The following CERS1 variants were observed in gnomAD, a reference collection of about 807,000 sequenced individuals.
CERS1 encodes Embryonic growth/differentiation factor 1.
In CERS1, 16 loss-of-function variants were observed where a neutral mutation model predicts 35.7. The ratio of observed to expected loss-of-function variants is 0.45; its 90% CI spans 0.30 to 0.68. The LOEUF is 0.68. Among genes scored for constraint, CERS1 ranks in the 30% least tolerant of loss-of-function variants. The probability of loss-of-function intolerance (pLI) is 0.08; values close to 1 mark genes in which losing one functional copy is unlikely to be tolerated. For missense variants in CERS1, 454 were observed against 453.9 expected, an observed-to-expected ratio of 1.00 and a Z score of 0.00; for synonymous variants, 243 against 201.6, an observed-to-expected ratio of 1.21 and a Z score of -1.74.
chr19:18,877,872 C>T (rs1216710729), intron 6 of CERS1: 2 of 719,440 alleles, frequency 2.8e-6, no homozygotes, highest in East Asian at 1.3e-4. Context: ...CCCTCTGCCC[C>T]AATCCCATCT....
intron 2 of CERS1, among the ~76,000 whole-genome samples, chr19:18,888,889 C>CTTTTTTTTT (rs756124590): frequency 7.3e-5 from 9 of 122,918 alleles, no homozygotes; most frequent in Non-Finnish European, 8.6e-5. Context: ...TTCTTTCTTT[C>CTTTTTTTTT]TTTTTTTTTT....
intron 6 of CERS1, among the ~76,000 whole-genome samples, chr19:18,874,310 T>C (rs1326516547): frequency 1.3e-5 from 2 of 152,164 alleles, no homozygotes; most frequent in African/African-American, 4.8e-5. Context: ...CAGTTTTCTA[T>C]TTTTATTTTT....
intron 3 of CERS1, among the ~76,000 whole-genome samples, chr19:18,881,221 ATT>A (rs764854215): frequency 3.6e-5 from 5 of 138,442 alleles, no homozygotes; most frequent in Non-Finnish European, 1.6e-5. Context: ...TTTTTTTTTA[ATT>A]TTTTTTTTTT....
At chr19:18,883,620 T>C (rs921583171) in intron 3 of CERS1, among the ~76,000 whole-genome samples, 3 of 152,246 alleles carry the variant, frequency 2.0e-5, no homozygotes, top group African/African-American at 7.2e-5. Flanking sequence ...GTGGGTTTTA[T>C]GCACACAGCA....
intron 6 of CERS1, among the ~76,000 whole-genome samples, chr19:18,872,723 C>CTGGTTTAGTAGAGG (rs2055996643): frequency 3.6e-5 from 3 of 83,344 alleles, no homozygotes; most frequent in African/African-American, 1.4e-4. Flanking sequence ...ACCATGTTGG[C>CTGGTTTAGTAGAGG]CAGGCTGGTC....
chr19:18,879,911 A>C (rs1257711353), intron 4 of CERS1, among the ~76,000 whole-genome samples: 2 of 143,110 alleles, frequency 1.4e-5, no homozygotes, highest in African/African-American at 2.7e-5. Flanking sequence ...GCCTAGCCCT[A>C]CCCCAACCCT....
In CERS1 at chr19:18,884,354, C is replaced by T. The variant is rs897489984; in HGVS notation, c.410-87G>A. ...ACCCGGTGACACCCTCCAAGCCACA[C>T]GTGTCCTCCCAGTACCCAGGTAACC... On this transcript the variant is annotated intron_variant, in intron 2 of 7. Coordinates refer to ENST00000623882, the MANE Select transcript of CERS1 (RefSeq NM_021267.5). 25 of 1,269,008 alleles carry T rather than the reference C, an allele frequency of 2.0e-5. No homozygotes were observed. The East Asian group carries it at 2.3e-4, about 12-fold the overall frequency. 78.6% of individuals were successfully genotyped at this position (1,269,008 alleles called of 1,614,324 possible). A position where few individuals can be genotyped will look rare whatever the true frequency, so the allele number is the denominator to read the frequency against.
chr19:18,892,815 C>A (rs1306896443), intron 2 of CERS1, among the ~76,000 whole-genome samples: 1 of 152,046 alleles, frequency 6.6e-6, no homozygotes, highest in Non-Finnish European at 1.5e-5. Context: ...GCCAGATACC[C>A]CCTTTCCTGT....
Position 18,878,416 on chromosome 19 carries a change from C to T in CERS1, c.1010+514G>A. ...ACCTGGGCTGGACTGAGTCTGAGCT[C>T]CCAGCCCCAGCTCCTGTTTGGCCGG... On this transcript the variant is annotated intron_variant, in intron 6 of 7. Coordinates refer to ENST00000623882, the MANE Select transcript of CERS1 (RefSeq NM_021267.5). The surrounding 1 kb of genome is among the most constrained non-coding windows in gnomAD (Gnocchi z 4.6). 4 of 990,800 alleles carry T rather than the reference C, an allele frequency of 4.0e-6. No individual in the cohort carries two copies. The highest frequency in any genetic ancestry group is 4.8e-6 in the Non-Finnish European group (4 of 833,158). 61.4% of individuals were successfully genotyped at this position (990,800 alleles called of 1,614,324 possible).
intron 7 of CERS1, 140 bp from the exon 8 acceptor site, chr19:18,869,530 G>C: frequency 3.4e-6 from 4 of 1,168,668 alleles, no homozygotes; most frequent in Non-Finnish European, 4.6e-6. Context: ...GGCGGGGTGG[G>C]CTGATGGAGT....
rs2056623033 is a variant in CERS1, at chr19:18,896,139, C to G, written c.-67G>C. On this transcript the variant is annotated 5_prime_UTR_variant, in exon 1 of 8. Transcript: ENST00000623882. This position sits in a 1 kb window ranked among gnomAD's most constrained non-coding sequence, Gnocchi z 5.9. ...GCGGTAGCCGACGGAGCCGCGCGCCCCGCGTCACGCGCCGCAGCTGGGCCG... is the reference window on the plus strand; with the variant it reads ...GCGGTAGCCGACGGAGCCGCGCGCCGCGCGTCACGCGCCGCAGCTGGGCCG... The G allele has an allele frequency of 4.9e-6, 3 of 606,400 alleles. No individual in the cohort carries two copies. Among genetic ancestry groups the G allele is most frequent in the Non-Finnish European group, 6.2e-6 (3 of 486,808 alleles). 37.6% of individuals were successfully genotyped at this position (606,400 alleles called of 1,614,324 possible).
chr19:18,878,708 G>A lies in CERS1; in HGVS notation c.1010+222C>T. ...TGAGACCCTGCCTGTCGCCCTGCCT[G>A]CCCCTCCCCAGCCTCTCCCTCCCCT... On this transcript the variant is annotated intron_variant, in intron 6 of 7. Coordinates refer to ENST00000623882, the MANE Select transcript of CERS1 (RefSeq NM_021267.5). This position sits in a 1 kb window ranked among gnomAD's most constrained non-coding sequence, Gnocchi z 4.6. 1 of 1,376,606 alleles carries A rather than the reference G, an allele frequency of 7.3e-7. No individual in the cohort carries two copies. The highest frequency in any genetic ancestry group is 9.4e-7 in the Non-Finnish European group (1 of 1,062,490). The allele number at this position is 1,376,606 out of a possible 1,614,324, so 85.3% of individuals were successfully genotyped here.
intron 3 of CERS1, among the ~76,000 whole-genome samples, chr19:18,881,078 A>G (rs1275149571): frequency 6.6e-6 from 1 of 151,810 alleles, no homozygotes; most frequent in Non-Finnish European, 1.5e-5. Flanking sequence ...GGCCTGGGGT[A>G]CTCTGTGTCC....
chr19:18,893,566 T>G lies in CERS1; in HGVS notation c.259A>C (p.Lys87Gln). The part of the protein sequence containing the change: ...ATARLFRPLA[K>Q]RCCLQPRDAA... ...TCTCTGGGCTGGAGGCAGCACCGCT[T>G]CGCCAGGGGCTATGGGGGAGAAGAC... The change falls in exon 2 of 8, where the codon AAG becomes CAG. Residue 87 changes from lysine (K) to glutamine (Q), a missense_variant. Transcript: ENST00000623882. The G allele has an allele frequency of 1.2e-6, 2 of 1,608,508 alleles. No homozygotes were observed. Among genetic ancestry groups the G allele is most frequent in the Non-Finnish European group, 1.7e-6 (2 of 1,178,170 alleles).
chr19:18,885,510 C>CGT (rs1226303525), intron 2 of CERS1, among the ~76,000 whole-genome samples: 1,671 of 29,462 alleles, frequency 0.057, 43 homozygotes, highest in Middle Eastern at 0.1. Context: ...CGCCCCTTCT[C>CGT]GTTTTTTTTT....
chr19:18,886,417 T>C (rs901644749), intron 2 of CERS1, among the ~76,000 whole-genome samples: 8 of 151,986 alleles, frequency 5.3e-5, no homozygotes, highest in Admixed American at 4.6e-4. Context: ...GGTGTGGTGG[T>C]GGGCGCCTGT....
intron 2 of CERS1, among the ~76,000 whole-genome samples, chr19:18,885,979 T>C (rs921666717): frequency 7.2e-5 from 11 of 152,082 alleles, no homozygotes; most frequent in Non-Finnish European, 1.0e-4. Context: ...CTGCCTCACC[T>C]TCCCCTCCTC....
chr19:18,869,480 T>G, intron 7 of CERS1, 90 bp from the exon 8 acceptor site: 2 of 1,314,210 alleles, frequency 1.5e-6, no homozygotes, highest in Non-Finnish European at 2.0e-6. Context: ...AGGTGAACGC[T>G]GGGGCTCGGG....
Position 18,884,709 on chromosome 19 carries a change from C to CTTTTT in CERS1, c.410-447_410-443dup, listed in dbSNP as rs36074874. On this transcript the variant is annotated intron_variant, in intron 2 of 7. Transcript: ENST00000623882. ...GGCGTGAGCCACCCCGCCCAGCCGT[C>CTTTTT]TTTTTTTTTTTTTTTTTTTTTTTGA... Among the ~76,000 whole-genome samples the CTTTTT allele has an allele frequency of 2.7e-3, 186 of 69,128 alleles. 11 individuals carry two copies. The highest frequency in any genetic ancestry group is 0.026 in the Middle Eastern group (1 of 38). The allele number at this position is 69,128 out of a possible 152,430, so 45.4% of individuals were successfully genotyped here. A position where few individuals can be genotyped will look rare whatever the true frequency, so the allele number is the denominator to read the frequency against.
Sources: gnomAD v4.1 joint callset for allele counts (sites outside exome capture counted in the v4.1 genomes callset) on GRCh38, gnomAD v4.1.1 for gene constraint, Gnocchi (gnomAD v3.1) non-coding constraint, MANE v1.5 for transcripts, NCBI Gene and HGNC (gene_info 2026-07-23, HGNC 2026-07-21) for gene names.